The following ACBD6 variants were observed in gnomAD, a reference collection of about 807,000 sequenced individuals.
ACBD6 encodes the protein acyl-CoA-binding domain-containing protein 6.
Under a neutral mutation model 37.2 loss-of-function variants are expected in ACBD6, and 28 were observed. The ratio of observed to expected loss-of-function variants is 0.75; its 90% CI spans 0.56 to 1.03. The LOEUF is 1.03. Ranked by LOEUF, ACBD6 falls within the 50% of genes least tolerant of loss-of-function variation. The pLI, the probability that ACBD6 is intolerant of heterozygous loss-of-function variation, is 0.00. For synonymous variants in ACBD6, 113 were observed against 126.8 expected (o/e 0.89, Z 0.73); for missense variants, 340 against 337.4 (o/e 1.01, Z -0.06).
At chr1:180,308,509 T>C (rs1650471859) in intron 7 of ACBD6, among the ~76,000 whole-genome samples, 1 of 152,228 alleles carries the variant, frequency 6.6e-6, no homozygotes, top group African/African-American at 2.4e-5. Flanking sequence ...AGAATATAAA[T>C]GTGAACCCGA....
At chr1:180,305,611 G>A (rs1368456495) in intron 7 of ACBD6, among the ~76,000 whole-genome samples, 8 of 152,156 alleles carry the variant, frequency 5.3e-5, no homozygotes, top group Non-Finnish European at 1.0e-4. Flanking sequence ...AACAGGTGCT[G>A]GAGAGGATGT....
intron 3 of ACBD6, among the ~76,000 whole-genome samples, chr1:180,487,333 C>T (rs912489512): frequency 6.0e-5 from 9 of 149,178 alleles, no homozygotes; most frequent in African/African-American, 1.0e-4. Context: ...ATGGAAAATT[C>T]GAGAAATAAA....
At chr1:180,411,996 G>A (rs1260628078) in intron 5 of ACBD6, among the ~76,000 whole-genome samples, 1 of 151,882 alleles carries the variant, frequency 6.6e-6, no homozygotes, top group Admixed American at 6.6e-5. Context: ...ATGTGCACTG[G>A]GAAACCAAAA....
chr1:180,486,193 C>T (rs189171717), intron 3 of ACBD6, among the ~76,000 whole-genome samples: 235 of 152,270 alleles, frequency 1.5e-3, no homozygotes, highest in African/African-American at 5.4e-3. Flanking sequence ...AACAATCAGG[C>T]TTGCTAAAAA....
At chr1:180,492,622 C>A (rs550967839) in intron 2 of ACBD6, among the ~76,000 whole-genome samples, 1 of 152,068 alleles carries the variant, frequency 6.6e-6, no homozygotes, top group African/African-American at 2.4e-5. Context: ...AACACAGATA[C>A]AATGCATAGC....
At chr1:180,388,139 G>A (rs1445194295) in intron 6 of ACBD6, among the ~76,000 whole-genome samples, 1 of 148,770 alleles carries the variant, frequency 6.7e-6, no homozygotes, top group African/African-American at 2.5e-5. Context: ...TCGCGCCACG[G>A]CACTCCAGCC....
At chr1:180,476,563 C>T (rs944809159) in intron 3 of ACBD6, among the ~76,000 whole-genome samples, 6 of 152,168 alleles carry the variant, frequency 3.9e-5, no homozygotes, top group African/African-American at 7.2e-5. Flanking sequence ...CAGTGGCTCA[C>T]GCCTATAATC....
At chr1:180,307,966 T>TA (rs1319730551) in intron 7 of ACBD6, among the ~76,000 whole-genome samples, 2 of 152,142 alleles carry the variant, frequency 1.3e-5, no homozygotes, top group African/African-American at 4.8e-5. Flanking sequence ...AAAAACAAAT[T>TA]AAGATAAATA....
chr1:180,484,568 A>G lies in ACBD6; in HGVS notation c.384+7701T>C, dbSNP rs566594311. On this transcript the variant is annotated intron_variant, in intron 3 of 7. Transcript: ENST00000367595. ...TACCCTGTAGTGTTGGGTTGGAATT[A>G]CAGGTATGAATATAAACTTATGGTT... 2.6e-5 allele frequency among the ~76,000 whole-genome samples: 4 copies of G among 152,328 alleles called. No homozygotes were observed. The South Asian group carries it at 8.3e-4, about 32-fold the overall frequency.
intron 6 of ACBD6, among the ~76,000 whole-genome samples, chr1:180,366,962 T>C (rs1653076570): frequency 6.6e-6 from 1 of 152,236 alleles, no homozygotes; most frequent in Admixed American, 6.5e-5. Flanking sequence ...ACCCTGGTTA[T>C]ACCACTTACT....
intron 7 of ACBD6, among the ~76,000 whole-genome samples, chr1:180,295,084 T>G (rs1287711278): frequency 6.6e-6 from 1 of 152,190 alleles, no homozygotes; most frequent in Non-Finnish European, 1.5e-5. Flanking sequence ...TTGATTTCAC[T>G]GATTTTCTGT....
chr1:180,299,945 C>T lies in ACBD6; in HGVS notation c.695-11428G>A, dbSNP rs574573493. Reference sequence around the variant, plus strand: ...ATAGGCACATAAGGGTTTTAGTATGCTGCCACACAAAGCCTATTTAGAATG... The same window carrying T: ...ATAGGCACATAAGGGTTTTAGTATGTTGCCACACAAAGCCTATTTAGAATG... On this transcript the variant is annotated intron_variant, in intron 7 of 7. Transcript: ENST00000367595. 5.3e-5 allele frequency among the ~76,000 whole-genome samples: 8 copies of T among 152,180 alleles called. No individual in the cohort carries two copies. In the East Asian group the frequency reaches 1.5e-3, roughly 29 times the overall value.
At chr1:180,297,261 G>A (rs1571329429) in intron 7 of ACBD6, among the ~76,000 whole-genome samples, 1 of 152,232 alleles carries the variant, frequency 6.6e-6, no homozygotes, top group East Asian at 1.9e-4. Context: ...ACCAGGTTGT[G>A]ATAGGTACTT....
At chr1:180,314,570 T>C in intron 7 of ACBD6, 122 bp downstream of exon 7, 1 of 803,576 alleles carries the variant, frequency 1.2e-6, no homozygotes, top group South Asian at 1.6e-5. Flanking sequence ...AACAAAAAGT[T>C]ATTGTATCTC....
intron 3 of ACBD6, among the ~76,000 whole-genome samples, chr1:180,490,545 G>A (rs1367626180): frequency 6.6e-6 from 1 of 151,688 alleles, no homozygotes; most frequent in Non-Finnish European, 1.5e-5. Flanking sequence ...GGAGGCCGAG[G>A]CGGGCAGATC....
At chr1:180,431,283 G>A (rs191271510) in intron 3 of ACBD6, among the ~76,000 whole-genome samples, 1 of 152,134 alleles carries the variant, frequency 6.6e-6, no homozygotes, top group Admixed American at 6.5e-5. Context: ...TTCAAAAAAT[G>A]TTGTAAATTT....
chr1:180,278,687 G>A (rs1473135647), intron 9 of ACBD6: 5 of 151,516 alleles, frequency 3.3e-5, no homozygotes, highest in Admixed American at 2.0e-4. Flanking sequence ...TCAGGGCTGC[G>A]GGATTCCAGA....
At chr1:180,404,804 T>C (rs538861562) in intron 5 of ACBD6, among the ~76,000 whole-genome samples, 2 of 152,324 alleles carry the variant, frequency 1.3e-5, no homozygotes, top group South Asian at 4.1e-4. Context: ...TTAAAAATGA[T>C]TAAAATGATA....
At chr1:180,454,401 A>G (rs1339864534) in intron 3 of ACBD6, among the ~76,000 whole-genome samples, 1 of 152,238 alleles carries the variant, frequency 6.6e-6, no homozygotes, top group Non-Finnish European at 1.5e-5. Flanking sequence ...CTTAAATGTA[A>G]GACCTAAAAC....
Sources: gnomAD v4.1 joint callset for allele counts (sites outside exome capture counted in the v4.1 genomes callset) on GRCh38, gnomAD v4.1.1 for gene constraint, MANE v1.5 for transcripts, NCBI Gene and HGNC (gene_info 2026-07-23, HGNC 2026-07-21) for gene names.